DLGAP2: variants seen among roughly 807,000 people sequenced by gnomAD.
DLGAP2 encodes DLG associated protein 2, also known as disks large-associated protein 2.
A neutral mutation model predicts 100.3 loss-of-function variants in DLGAP2; 26 were observed. The ratio of observed to expected loss-of-function variants is 0.26; its 90% CI spans 0.19 to 0.36. The LOEUF is 0.36. Among genes scored for constraint, DLGAP2 ranks in the 10% least tolerant of loss-of-function variants. The pLI is 1.00. For missense variants in DLGAP2, 1,858 were observed against 1,453.2 expected (o/e 1.28, Z -4.53); for synonymous variants, 886 against 630.1 (o/e 1.41, Z -6.08).
intron 1 of DLGAP2, among the ~76,000 whole-genome samples, chr8:853,459 T>C (rs1417163425): frequency 6.6e-6 from 1 of 152,202 alleles, no homozygotes; most frequent in Non-Finnish European, 1.5e-5. Context: ...ATAAACATCA[T>C]CTGCACAGAT....
intron 4 of DLGAP2, among the ~76,000 whole-genome samples, chr8:1,507,032 G>T (rs1277934399): frequency 6.6e-6 from 1 of 152,248 alleles, no homozygotes; most frequent in African/African-American, 2.4e-5. Flanking sequence ...TCTCATTGGT[G>T]CATTTACAAT....
chr8:1,390,019 G>C (rs1374199413), intron 3 of DLGAP2, among the ~76,000 whole-genome samples: 1 of 152,114 alleles, frequency 6.6e-6, no homozygotes, highest in Non-Finnish European at 1.5e-5. Context: ...GTGTCTGGAT[G>C]GATGTTGCCT....
At chr8:1,290,117 G>A (rs369418738) in intron 3 of DLGAP2, among the ~76,000 whole-genome samples, 2 of 152,294 alleles carry the variant, frequency 1.3e-5, no homozygotes, top group East Asian at 3.9e-4. Context: ...AGGTGCTGAG[G>A]AGAGAAGAGG....
At chr8:1,100,774 A>C (rs1804552796) in intron 2 of DLGAP2, among the ~76,000 whole-genome samples, 1 of 152,202 alleles carries the variant, frequency 6.6e-6, no homozygotes, top group Non-Finnish European at 1.5e-5. Context: ...TTTTGTAAGA[A>C]GGAGGGGCTG....
rs73672704 is a variant in DLGAP2 at position 1,432,878 on chromosome 8, G to C, written c.107-68488G>C. 1.0e-3 allele frequency among the ~76,000 whole-genome samples: 158 copies of C among 152,320 alleles called. 1 individual carries two copies. The highest frequency in any genetic ancestry group is 3.6e-3 in the African/African-American group (150 of 41,572). ...TTGGGTCCTGACACAGACTGGCCGA[G>C]CTGGGGGCGTCCCCAGAGACCAGAG... On this transcript the variant is annotated intron_variant, in intron 3 of 14. Transcript: ENST00000637795.
chr8:1,314,774 C>A (rs895939523), intron 3 of DLGAP2, among the ~76,000 whole-genome samples: 1 of 152,228 alleles, frequency 6.6e-6, no homozygotes, highest in Non-Finnish European at 1.5e-5. Flanking sequence ...TCTCTCTTTT[C>A]TGAATTTTCG....
At chr8:1,214,327 G>T (rs76032057) in intron 2 of DLGAP2, among the ~76,000 whole-genome samples, 1 of 152,226 alleles carries the variant, frequency 6.6e-6, no homozygotes, top group Admixed American at 6.5e-5. Flanking sequence ...CGCCACTCAG[G>T]TGATCGTTTT....
At chr8:1,378,927 C>G (rs1346834929) in intron 3 of DLGAP2, among the ~76,000 whole-genome samples, 1 of 152,230 alleles carries the variant, frequency 6.6e-6, no homozygotes, top group Non-Finnish European at 1.5e-5. Flanking sequence ...GTTGTTAAAA[C>G]AGTCAATCAC....
At chr8:1,261,041 G>T (rs1054756131) in intron 3 of DLGAP2, among the ~76,000 whole-genome samples, 1 of 152,224 alleles carries the variant, frequency 6.6e-6, no homozygotes, top group African/African-American at 2.4e-5. Context: ...AAACGTGTTC[G>T]TTCCTGCTCT....
At chr8:1,152,936 C>T (rs142611850) in intron 2 of DLGAP2, among the ~76,000 whole-genome samples, 44 of 152,294 alleles carry the variant, frequency 2.9e-4, no homozygotes, top group African/African-American at 9.9e-4. Context: ...TATGGAAGCA[C>T]GCCCACTCAA....
At chr8:1,039,780 C>T (rs1341771732) in intron 2 of DLGAP2, among the ~76,000 whole-genome samples, 6 of 137,412 alleles carry the variant, frequency 4.4e-5, no homozygotes, top group African/African-American at 1.4e-4. Flanking sequence ...GTGGTTGGCT[C>T]GGTATGCATG....
intron 2 of DLGAP2, among the ~76,000 whole-genome samples, chr8:1,134,619 T>C (rs1353979129): frequency 6.6e-6 from 1 of 152,216 alleles, no homozygotes; most frequent in Non-Finnish European, 1.5e-5. Context: ...TAAACTTGTA[T>C]AAGTTCGTTT....
At chr8:1,696,524 G>A (rs150188676) in intron 13 of DLGAP2, among the ~76,000 whole-genome samples, 58 of 152,290 alleles carry the variant, frequency 3.8e-4, no homozygotes, top group African/African-American at 1.4e-3. Context: ...AATGTAGGCA[G>A]CTGGTGGAAA....
chr8:1,603,740 C>T (rs1796707092), intron 6 of DLGAP2, among the ~76,000 whole-genome samples: 1 of 152,150 alleles, frequency 6.6e-6, no homozygotes, highest in Admixed American at 6.5e-5. Context: ...TTGGAACAGT[C>T]AGTATTTCTG....
At position 904,603 on chromosome 8, in the gene DLGAP2, C is replaced by G. The variant is rs570309420; in HGVS notation, c.19-3309C>G. Among the ~76,000 whole-genome samples the G allele has an allele frequency of 7.9e-5, 12 of 152,302 alleles. No individual in the cohort carries two copies. The South Asian group carries it at 2.3e-3, about 29-fold the overall frequency. On this transcript the variant is annotated intron_variant, in intron 1 of 14. Transcript: ENST00000637795. ...TGCTTCTTCTCCACGTTCTGTGATTCTGCTTTCCTCAGATGAGGAGGGCCC... is the reference window on the plus strand; with the variant it reads ...TGCTTCTTCTCCACGTTCTGTGATTGTGCTTTCCTCAGATGAGGAGGGCCC...
At chr8:1,033,823 C>T (rs1408398215) in intron 2 of DLGAP2, among the ~76,000 whole-genome samples, 2 of 146,016 alleles carry the variant, frequency 1.4e-5, no homozygotes, top group African/African-American at 5.1e-5. Flanking sequence ...CGAGTGGATT[C>T]ACACGCTCAT....
chr8:1,588,407 TA>T (rs1399681035), intron 6 of DLGAP2, among the ~76,000 whole-genome samples: 4 of 152,228 alleles, frequency 2.6e-5, no homozygotes, highest in Admixed American at 2.0e-4. Context: ...CAGCGAGTTT[TA>T]CTAAACAGCT....
At chr8:1,358,694 C>T (rs946810535) in intron 3 of DLGAP2, among the ~76,000 whole-genome samples, 1 of 152,072 alleles carries the variant, frequency 6.6e-6, no homozygotes, top group South Asian at 2.1e-4. Flanking sequence ...TTAGGAGAAA[C>T]GTGTTATCCC....
At chr8:957,858 T>A (rs1300871033) in intron 2 of DLGAP2, among the ~76,000 whole-genome samples, 1 of 151,058 alleles carries the variant, frequency 6.6e-6, no homozygotes, top group Admixed American at 6.8e-5. Context: ...AAAAATATTT[T>A]AAAAATATTT....
Sources: gnomAD v4.1 joint callset for allele counts (sites outside exome capture counted in the v4.1 genomes callset) on GRCh38, gnomAD v4.1.1 for gene constraint, MANE v1.5 for transcripts, NCBI Gene and HGNC (gene_info 2026-07-23, HGNC 2026-07-21) for gene names.